RIMS2: variants seen among roughly 807,000 people sequenced by gnomAD.
RIMS2 encodes regulating synaptic membrane exocytosis protein 2.
RIMS2 carries 59 observed loss-of-function variants against 174.4 expected under a neutral mutation model. The observed-to-expected ratio is 0.34, with a 90% CI of 0.27 to 0.42. The LOEUF is 0.42. Among genes scored for constraint, RIMS2 ranks in the 10% least tolerant of loss-of-function variants. The probability of loss-of-function intolerance (pLI) is 1.00; values close to 1 mark genes in which losing one functional copy is unlikely to be tolerated. For synonymous variants in RIMS2, 606 were observed against 572.5 expected, an observed-to-expected ratio of 1.06 and a Z score of -0.84; for missense variants, 1,620 against 1,666.3, an observed-to-expected ratio of 0.97 and a Z score of 0.48.
chr8:103,671,803 C>A (rs2096747402), intron 1 of RIMS2, among the ~76,000 whole-genome samples: 1 of 152,106 alleles, frequency 6.6e-6, no homozygotes, highest in Non-Finnish European at 1.5e-5. Context: ...GAATCACATA[C>A]AATTTTGGAA....
At chr8:103,573,371 T>G (rs1309090578) in intron 1 of RIMS2, among the ~76,000 whole-genome samples, 1 of 152,180 alleles carries the variant, frequency 6.6e-6, no homozygotes, top group Non-Finnish European at 1.5e-5. Flanking sequence ...GCCTTGTCTT[T>G]AATCCATCTT....
At chr8:103,962,414 T>C (rs1183107403) in intron 15 of RIMS2, among the ~76,000 whole-genome samples, 1 of 152,200 alleles carries the variant, frequency 6.6e-6, no homozygotes. Flanking sequence ...CTGGATTCAT[T>C]AAGTTTCTTC....
At chr8:103,896,908 C>G (rs1354539381) in intron 4 of RIMS2, among the ~76,000 whole-genome samples, 2 of 151,500 alleles carry the variant, frequency 1.3e-5, no homozygotes, top group Non-Finnish European at 2.9e-5. Flanking sequence ...TGTGGCATCA[C>G]TCCTACAATA....
At chr8:103,750,341 A>G (rs1314676230) in intron 2 of RIMS2, among the ~76,000 whole-genome samples, 1 of 152,186 alleles carries the variant, frequency 6.6e-6, no homozygotes, top group Non-Finnish European at 1.5e-5. Context: ...CAAGACATAA[A>G]TACAAATATA....
chr8:103,510,614 A>G (rs1033938504), intron 1 of RIMS2, among the ~76,000 whole-genome samples: 1 of 152,064 alleles, frequency 6.6e-6, no homozygotes, highest in Non-Finnish European at 1.5e-5. Context: ...GTACTTGCAC[A>G]TAACTTGCTA....
At chr8:104,062,031 T>C (rs1323881433) in intron 19 of RIMS2, among the ~76,000 whole-genome samples, 1 of 152,184 alleles carries the variant, frequency 6.6e-6, no homozygotes, top group Non-Finnish European at 1.5e-5. Flanking sequence ...TTTTTAAGTT[T>C]TTTTCATATA....
rs183156151 is a variant in RIMS2, at chr8:104,094,114, G to T, written c.3334+79499G>T. 9.3e-3 allele frequency among the ~76,000 whole-genome samples: 1,407 copies of T among 151,922 alleles called. 9 individuals are homozygous for T. Among genetic ancestry groups the T allele is most frequent in the Non-Finnish European group, 0.016 (1,063 of 67,880 alleles). ...CTTCTCAAGAAAATTTATACATATAGTATATAAGTTAGTATAATTTGCATT... is the reference window on the plus strand; with the variant it reads ...CTTCTCAAGAAAATTTATACATATATTATATAAGTTAGTATAATTTGCATT... On this transcript the variant is annotated intron_variant, in intron 19 of 23. Coordinates refer to ENST00000504942, the Ensembl canonical transcript of RIMS2.
intron 19 of RIMS2, among the ~76,000 whole-genome samples, chr8:104,236,843 TA>T (rs2099261575): frequency 6.6e-6 from 1 of 152,066 alleles, no homozygotes; most frequent in African/African-American, 2.4e-5. Context: ...GCACTTCAGG[TA>T]AAAACTAAGG....
chr8:103,795,033 C>T (rs1244954726), intron 3 of RIMS2, among the ~76,000 whole-genome samples: 1 of 152,178 alleles, frequency 6.6e-6, no homozygotes, highest in East Asian at 1.9e-4. Context: ...GTGGCAATTC[C>T]TCAGGGATCT....
At chr8:104,139,442 C>T (rs1324790850) in intron 19 of RIMS2, among the ~76,000 whole-genome samples, 1 of 152,034 alleles carries the variant, frequency 6.6e-6, no homozygotes, top group African/African-American at 2.4e-5. Context: ...TTTCTCCTGT[C>T]AGTGTTTTGT....
At chr8:103,937,009 A>G (rs2081408902) in intron 13 of RIMS2, among the ~76,000 whole-genome samples, 1 of 151,992 alleles carries the variant, frequency 6.6e-6, no homozygotes, top group South Asian at 2.1e-4. Flanking sequence ...GAGGCAGGAG[A>G]ATGGCGTGAG....
chr8:103,667,864 G>A (rs1312160509), intron 1 of RIMS2, among the ~76,000 whole-genome samples: 1 of 152,178 alleles, frequency 6.6e-6, no homozygotes, highest in Non-Finnish European at 1.5e-5. Context: ...GGGATCTTCT[G>A]AGTTGTGAGA....
intron 16 of RIMS2, among the ~76,000 whole-genome samples, chr8:103,988,457 A>T (rs899505621): frequency 6.6e-6 from 1 of 151,934 alleles, no homozygotes; most frequent in African/African-American, 2.4e-5. Flanking sequence ...GAGATTACTT[A>T]GGTAGCTTTT....
intron 19 of RIMS2, among the ~76,000 whole-genome samples, chr8:104,089,897 C>T (rs1333590658): frequency 6.6e-6 from 1 of 151,468 alleles, no homozygotes. Flanking sequence ...ATTCTTATCT[C>T]CCTAGTAAGA....
chr8:103,506,798 G>T (rs1169213546), intron 1 of RIMS2, among the ~76,000 whole-genome samples: 2 of 152,234 alleles, frequency 1.3e-5, no homozygotes, highest in Middle Eastern at 3.4e-3. Flanking sequence ...CTAGGGATGG[G>T]GAGAGGGTGG....
intron 14 of RIMS2, among the ~76,000 whole-genome samples, chr8:103,956,968 A>T (rs953117496): frequency 6.6e-6 from 1 of 152,242 alleles, no homozygotes; most frequent in African/African-American, 2.4e-5. Flanking sequence ...TATCAAAAGA[A>T]TACATTTATG....
chr8:103,703,698 T>C (rs2097193268), intron 2 of RIMS2, among the ~76,000 whole-genome samples: 2 of 152,166 alleles, frequency 1.3e-5, no homozygotes, highest in Non-Finnish European at 2.9e-5. Context: ...ATGGTAGAGA[T>C]CTTTCTCTTC....
chr8:104,154,884 T>G lies in RIMS2; in HGVS notation c.3335-90032T>G, dbSNP rs184719800. Among the ~76,000 whole-genome samples, 23 of 152,186 alleles carry G rather than the reference T, an allele frequency of 1.5e-4. No individual in the cohort carries two copies. The East Asian group carries it at 4.2e-3, about 28-fold the overall frequency. The stretch of plus-strand genomic sequence containing the variant: ...TCTAGTATTGTATCACATATGGTGA[T>G]CCTCAATGAAAGGGCCATGAATTCC... On this transcript the variant is annotated intron_variant, in intron 19 of 23. Transcript: ENST00000504942.
intron 1 of RIMS2, among the ~76,000 whole-genome samples, chr8:103,624,100 A>G (rs1228132393): frequency 6.6e-6 from 1 of 152,210 alleles, no homozygotes; most frequent in East Asian, 1.9e-4. Flanking sequence ...AAAACCCATT[A>G]TGATAGTTAA....
Sources: allele counts gnomAD v4.1 joint callset (sites outside exome capture counted in the v4.1 genomes callset), GRCh38; gene constraint gnomAD v4.1.1; transcripts MANE v1.5; gene names NCBI Gene and HGNC (gene_info 2026-07-23, HGNC 2026-07-21).